The following MAP3K19 variants were observed in gnomAD, a reference collection of about 807,000 sequenced individuals.
The protein encoded by MAP3K19 is mitogen-activated protein kinase kinase kinase 19, also known as SPS1/STE20-related protein kinase YSK4.
MAP3K19 carries 91 observed loss-of-function variants against 114.4 expected under a neutral mutation model. The observed-to-expected ratio is 0.80, with a 90% CI of 0.67 to 0.95. The LOEUF (loss-of-function observed/expected upper bound fraction) is 0.95, where lower values mean the gene tolerates loss of function less well. MAP3K19 is among the 40% of genes least tolerant of loss of function. The pLI is 0.00. For synonymous variants in MAP3K19, 518 were observed against 530.5 expected (o/e 0.98, Z 0.32); for missense variants, 1,471 against 1,573.2 (o/e 0.94, Z 1.10).
At position 134,987,195 on chromosome 2, in the gene MAP3K19, G is replaced by T; in HGVS notation, c.1677C>A (p.Pro559=). The stretch of plus-strand genomic sequence containing the variant: ...TGGTTTTATGCATGGTAGGCTTAAT[G>T]GGACCTTCAGTAGAAATCACAAAAT... ...PQNFVISTEG[P]IKPTMHKTSI... is the part of the protein sequence containing the mutation. The change falls in exon 10 of 13, where the codon CCC becomes CCA. Residue 559 remains proline, a synonymous_variant. Transcript: ENST00000392915. The T allele has an allele frequency of 6.2e-7, 1 of 1,614,126 alleles. No individual in the cohort carries two copies. Among genetic ancestry groups the T allele is most frequent in the South Asian group, 1.1e-5 (1 of 91,072 alleles).
In MAP3K19 at chr2:134,980,828, G is replaced by C. The variant is rs1377679591; in HGVS notation, c.3913C>G (p.Leu1305Val). 6.2e-7 allele frequency: 1 copy of C among 1,612,464 alleles called. No individual in the cohort carries two copies. The highest frequency in any genetic ancestry group is 1.7e-5 in the Admixed American group (1 of 60,002). The change falls in exon 12 of 13, where the codon CTG becomes GTG. Residue 1305 changes from leucine to valine, a missense_variant. By Grantham distance (32) the Leu-to-Val change is conservative. Coordinates refer to ENST00000392915, the MANE Select transcript of MAP3K19 (RefSeq NM_025052.5). ...ENAADFVRMC[L>V]TRDQHERPSA... ...TTGCTTTCAGTTTCTTACCTGGTCAGGCACATGCGCACAAAGTCTGCTGCA... is the reference window on the plus strand; with the variant it reads ...TTGCTTTCAGTTTCTTACCTGGTCACGCACATGCGCACAAAGTCTGCTGCA...
At chr2:135,002,416 TTATTTTA>T (rs1296219240) in intron 6 of MAP3K19, among the ~76,000 whole-genome samples, 1 of 85,248 alleles carries the variant, frequency 1.2e-5, no homozygotes, top group African/African-American at 7.7e-5. Flanking sequence ...TTTGGTCTCC[TTATTTTA>T]TTTTATTTTA....
intron 12 of MAP3K19, among the ~76,000 whole-genome samples, chr2:134,973,498 CTA>C (rs1299166709): frequency 6.6e-6 from 1 of 152,134 alleles, no homozygotes; most frequent in African/African-American, 2.4e-5. Context: ...CACTTTCAGT[CTA>C]TATGTGTCTT....
rs1472758373 is a variant in MAP3K19, at chr2:135,034,382, T to C, written c.-283-3882A>G. 4.1e-5 allele frequency among the ~76,000 whole-genome samples: 5 copies of C among 122,492 alleles called. 1 individual carries two copies. Among genetic ancestry groups the C allele is most frequent in the African/African-American group, 1.6e-4 (4 of 25,504 alleles). 80.4% of individuals were successfully genotyped at this position (122,492 alleles called of 152,430 possible). On this transcript the variant is annotated intron_variant, in intron 2 of 12. Transcript: ENST00000392915. ...CAGACGATGGGTGGCCAGGCAGAGA[T>C]GCTCCTCACTTCCCAGAAGGGGTGG...
At position 134,986,345 on chromosome 2, in the gene MAP3K19, G is replaced by A. The variant is rs565879973; in HGVS notation, c.2527C>T (p.Leu843=). 7 of 1,613,644 alleles carry A rather than the reference G, an allele frequency of 4.3e-6. No individual in the cohort carries two copies. The African/African-American group carries it at 5.3e-5, about 12-fold the overall frequency. The change falls in exon 10 of 13, where the codon CTA becomes TTA. Residue 843 remains leucine (L), a synonymous_variant. Coordinates refer to ENST00000392915, the MANE Select transcript of MAP3K19 (RefSeq NM_025052.5). The part of the protein sequence containing the change: ...SLRDLQELEE[L]HHQIPFIPSE... ...GGGATAAATGGGATCTGGTGATGTA[G>A]CTCTTCAAGTTCTTGCAGATCTCTG...
intron 5 of MAP3K19, among the ~76,000 whole-genome samples, chr2:135,020,412 T>C (rs1687887453): frequency 6.6e-6 from 1 of 152,204 alleles, no homozygotes; most frequent in Admixed American, 6.5e-5. Context: ...CTGAAACTCC[T>C]GGGCTCAAGT....
rs754969578 is a variant in MAP3K19, at chr2:134,986,954, T to C, written c.1918A>G (p.Asn640Asp). The C allele has an allele frequency of 6.2e-7, 1 of 1,614,012 alleles. No homozygotes were observed. Among genetic ancestry groups the C allele is most frequent in the Admixed American group, 1.7e-5 (1 of 60,016 alleles). Residue 640 changes from asparagine (N) to aspartate (D), a missense_variant, in exon 10 of 13, where the codon AAT becomes GAT. By Grantham distance (23) the Asn-to-Asp change is conservative. Transcript: ENST00000392915. ...LSVQPTEPRL[N>D]YLDLKYSDMF... ...TCACTATACTTAAGATCTAGGTAAT[T>C]TAGTCTTGGCTCTGTCGGTTGAACA...
chr2:135,018,204 T>C (rs925487000), intron 5 of MAP3K19, among the ~76,000 whole-genome samples: 1 of 136,192 alleles, frequency 7.3e-6, no homozygotes, highest in Non-Finnish European at 1.5e-5. Flanking sequence ...GTTAGGACAA[T>C]CACTTGAACC....
At chr2:135,010,560 C>T (rs535782306) in intron 5 of MAP3K19, among the ~76,000 whole-genome samples, 9 of 152,292 alleles carry the variant, frequency 5.9e-5, no homozygotes, top group African/African-American at 1.9e-4. Context: ...TTCTAGCCTG[C>T]AGACAACAGC....
intron 5 of MAP3K19, among the ~76,000 whole-genome samples, chr2:135,013,442 G>T (rs958001672): frequency 6.6e-6 from 1 of 151,962 alleles, no homozygotes; most frequent in Admixed American, 6.6e-5. Flanking sequence ...TGTTACAGTT[G>T]TCTGTAGTTA....
Position 134,986,138 on chromosome 2 carries a change from GT to G in MAP3K19, c.2733del (p.Lys911AsnfsTer22), listed in dbSNP as rs1415335119. 1 of 1,613,896 alleles carries G rather than the reference GT, an allele frequency of 6.2e-7. No individual in the cohort carries two copies. The highest frequency in any genetic ancestry group is 8.5e-7 in the Non-Finnish European group (1 of 1,179,932). On this transcript the variant is annotated frameshift_variant, in exon 10 of 13. Transcript: ENST00000392915. LOFTEE classifies it high-confidence loss of function. ...TATGTCTGGGAAGATGCACTTTCTT[GT>G]TTTGCTTGGAAAGAGAAATTTGTAA... Reference protein sequence around the residue: ...KTLTNFSFQAKQESASSQTYQ... With the variant: ...KTLTNFSFQAXQESASSQTYQ...
intron 6 of MAP3K19, among the ~76,000 whole-genome samples, chr2:135,001,917 G>A (rs2105301538): frequency 6.6e-6 from 1 of 152,300 alleles, no homozygotes; most frequent in East Asian, 1.9e-4. Context: ...ATTGTTAAGA[G>A]CTAATGGCCA....
intron 12 of MAP3K19, among the ~76,000 whole-genome samples, chr2:134,968,943 G>T (rs912325506): frequency 1.3e-5 from 2 of 152,106 alleles, no homozygotes; most frequent in Non-Finnish European, 2.9e-5. Flanking sequence ...CTTCCCAGAA[G>T]GGGTGGCGGC....
At chr2:135,024,505 C>T in intron 4 of MAP3K19, 121 bp downstream of exon 4, 1 of 919,386 alleles carries the variant, frequency 1.1e-6, no homozygotes, top group Non-Finnish European at 1.8e-6. Flanking sequence ...AGTCACTGCT[C>T]CATAAATAGC....
intron 10 of MAP3K19, among the ~76,000 whole-genome samples, chr2:134,984,094 C>T (rs1684914376): frequency 6.6e-6 from 1 of 152,220 alleles, no homozygotes; most frequent in African/African-American, 2.4e-5. Flanking sequence ...TCAGGCCCCA[C>T]ATAGGCCTGC....
At chr2:134,977,582 T>C (rs1684331362) in intron 12 of MAP3K19, among the ~76,000 whole-genome samples, 1 of 152,040 alleles carries the variant, frequency 6.6e-6, no homozygotes, top group Non-Finnish European at 1.5e-5. Flanking sequence ...TAGGATGGTC[T>C]TGATCTCCTG....
rs891618468 is a variant in MAP3K19, at chr2:134,985,975, G to A, written c.2897C>T (p.Thr966Ile). 2 of 1,613,796 alleles carry A rather than the reference G, an allele frequency of 1.2e-6. No individual in the cohort carries two copies. Among genetic ancestry groups the A allele is most frequent in the Non-Finnish European group, 1.7e-6 (2 of 1,179,890 alleles). Residue 966 changes from threonine (T) to isoleucine (I), a missense_variant, in exon 10 of 13, where the codon ACA becomes ATA. Transcript: ENST00000392915. ...IMDSVNNEEL[T>I]DELLGCLAAE... is the part of the protein sequence containing the mutation. ...AGCTAGACAACCTAATAGTTCATCT[G>A]TCAATTCTTCATTATTTACAGAGTC...
intron 5 of MAP3K19, among the ~76,000 whole-genome samples, chr2:135,010,097 A>G (rs1403423996): frequency 6.6e-6 from 1 of 152,084 alleles, no homozygotes; most frequent in Non-Finnish European, 1.5e-5. Context: ...ATGAATTTCA[A>G]CAAGAACCAG....
intron 1 of MAP3K19, among the ~76,000 whole-genome samples, chr2:135,046,170 T>C (rs1688737633): frequency 6.6e-6 from 1 of 152,214 alleles, no homozygotes; most frequent in South Asian, 2.1e-4. Context: ...CAGTGCTTTT[T>C]ATTATTGAGC....
Sources: gnomAD v4.1 joint callset for allele counts (sites outside exome capture counted in the v4.1 genomes callset) on GRCh38, gnomAD v4.1.1 for gene constraint, MANE v1.5 for transcripts, NCBI Gene and HGNC (gene_info 2026-07-23, HGNC 2026-07-21) for gene names.